Variants in CDKAL1 observed in about 807,000 individuals in gnomAD.
CDKAL1 encodes the protein threonylcarbamoyladenosine tRNA methylthiotransferase.
A neutral mutation model predicts 68.2 loss-of-function variants in CDKAL1; 32 were observed. That is an observed-to-expected ratio of 0.47 (90% CI 0.35 to 0.63). The LOEUF (loss-of-function observed/expected upper bound fraction) is 0.63. Among genes scored for constraint, CDKAL1 ranks in the 30% least tolerant of loss-of-function variants. CDKAL1 has a pLI of 0.00. For synonymous variants in CDKAL1, 234 were observed against 244.3 expected, an observed-to-expected ratio of 0.96 and a Z score of 0.39; for missense variants, 606 against 696.7, an observed-to-expected ratio of 0.87 and a Z score of 1.47.
chr6:21,200,664 C>T, intron 14 of CDKAL1: 1 of 154,368 alleles, frequency 6.5e-6, no homozygotes, highest in Non-Finnish European at 1.4e-5. Flanking sequence ...AAGTGGCTGG[C>T]TGATTGCTGG....
At chr6:20,812,578 T>G (rs1776866992) in intron 8 of CDKAL1, among the ~76,000 whole-genome samples, 1 of 152,218 alleles carries the variant, frequency 6.6e-6, no homozygotes. Flanking sequence ...ATCTGCCTTC[T>G]GTCAGTATAG....
intron 6 of CDKAL1, among the ~76,000 whole-genome samples, chr6:20,751,027 G>T (rs555939578): frequency 2.7e-5 from 4 of 148,132 alleles, no homozygotes; most frequent in Admixed American, 2.7e-4. Flanking sequence ...AGTGTTTGAG[G>T]ATTAAGTGTG....
intron 8 of CDKAL1, among the ~76,000 whole-genome samples, chr6:20,797,461 A>G (rs1017619509): frequency 6.6e-6 from 1 of 152,266 alleles, no homozygotes; most frequent in East Asian, 1.9e-4. Context: ...TTAAACATGT[A>G]CTTATCATAT....
chr6:21,060,530 TTTC>T (rs1320697229), intron 11 of CDKAL1, among the ~76,000 whole-genome samples: 2 of 152,130 alleles, frequency 1.3e-5, no homozygotes, highest in South Asian at 2.1e-4. Context: ...ATTTCATTGA[TTTC>T]TTATTTTACC....
intron 15 of CDKAL1, among the ~76,000 whole-genome samples, chr6:21,209,570 T>G (rs1361569180): frequency 1.3e-5 from 2 of 152,108 alleles, no homozygotes; most frequent in South Asian, 4.1e-4. Context: ...TAGGGAGGGA[T>G]TGGTGTGAGG....
chr6:20,992,124 C>A (rs777429547), intron 10 of CDKAL1, among the ~76,000 whole-genome samples: 5 of 143,706 alleles, frequency 3.5e-5, no homozygotes, highest in Non-Finnish European at 7.5e-5. Context: ...AACTCTTGGA[C>A]TCAAGCAATT....
chr6:20,540,077 C>CTTTTTTTTTTTTTTTTTT (rs71538791), intron 2 of CDKAL1, among the ~76,000 whole-genome samples: 2 of 131,266 alleles, frequency 1.5e-5, no homozygotes, highest in African/African-American at 3.1e-5. Context: ...TTGGGATTGT[C>CTTTTTTTTTTTTTTTTTT]TTTTTTTTTT....
At chr6:20,669,358 T>G (rs1418352475) in intron 5 of CDKAL1, among the ~76,000 whole-genome samples, 1 of 152,210 alleles carries the variant, frequency 6.6e-6, no homozygotes, top group Non-Finnish European at 1.5e-5. Context: ...TTCTCTCATT[T>G]ATTTATGTAT....
chr6:20,591,021 G>T (rs923363130), intron 4 of CDKAL1, among the ~76,000 whole-genome samples: 2 of 152,136 alleles, frequency 1.3e-5, no homozygotes, highest in African/African-American at 2.4e-5. Context: ...GGCATCTGTT[G>T]TTTCCTGACT....
At chr6:20,969,353 A>G (rs945364819) in intron 10 of CDKAL1, among the ~76,000 whole-genome samples, 2 of 152,188 alleles carry the variant, frequency 1.3e-5, no homozygotes, top group African/African-American at 2.4e-5. Context: ...GAGAAAATAT[A>G]TTTACTATTC....
At chr6:21,107,075 G>A (rs1773885202) in intron 12 of CDKAL1, among the ~76,000 whole-genome samples, 1 of 151,044 alleles carries the variant, frequency 6.6e-6, no homozygotes, top group Non-Finnish European at 1.5e-5. Flanking sequence ...AGCCTCCCAA[G>A]TAGCTGGGAC....
chr6:20,907,656 G>A (rs1049882447), intron 9 of CDKAL1, among the ~76,000 whole-genome samples: 1 of 152,150 alleles, frequency 6.6e-6, no homozygotes, highest in Admixed American at 6.5e-5. Flanking sequence ...GTTTATTACA[G>A]GAATGAGAGC....
At chr6:21,079,339 G>A in intron 12 of CDKAL1, among the ~76,000 whole-genome samples, 1 of 152,170 alleles carries the variant, frequency 6.6e-6, no homozygotes, top group East Asian at 1.9e-4. Context: ...TCTTATGTCT[G>A]TTTTGGAAAG....
At chr6:20,874,235 C>T (rs1387896667) in intron 9 of CDKAL1, among the ~76,000 whole-genome samples, 1 of 151,924 alleles carries the variant, frequency 6.6e-6, no homozygotes, top group Non-Finnish European at 1.5e-5. Flanking sequence ...GGCATTTTTA[C>T]ATTGGGGGCT....
At chr6:20,952,099 C>T (rs1764560231) in intron 9 of CDKAL1, among the ~76,000 whole-genome samples, 1 of 151,900 alleles carries the variant, frequency 6.6e-6, no homozygotes, top group African/African-American at 2.4e-5. Flanking sequence ...GCTGGGACTA[C>T]AGGCGCCCGC....
intron 11 of CDKAL1, among the ~76,000 whole-genome samples, chr6:21,055,112 CTA>C (rs796577217): frequency 8.5e-5 from 13 of 152,230 alleles, no homozygotes; most frequent in African/African-American, 3.1e-4. Context: ...GTTAAGATCA[CTA>C]TGTGGTTTTT....
intron 10 of CDKAL1, among the ~76,000 whole-genome samples, chr6:20,991,705 T>TCA (rs1766812935): frequency 2.2e-5 from 1 of 44,804 alleles, no homozygotes; most frequent in Non-Finnish European, 4.0e-5. Context: ...ATATTCCCTC[T>TCA]CAAAAAAAAA....
chr6:20,809,762 G>A (rs187708050), intron 8 of CDKAL1, among the ~76,000 whole-genome samples: 2 of 152,274 alleles, frequency 1.3e-5, no homozygotes, highest in East Asian at 3.9e-4. Context: ...ACTTCTTGAA[G>A]AGTGTATCAA....
intron 9 of CDKAL1, among the ~76,000 whole-genome samples, chr6:20,885,912 A>C (rs1393128349): frequency 6.6e-6 from 1 of 152,050 alleles, no homozygotes; most frequent in Non-Finnish European, 1.5e-5. Context: ...GTGAAACCCC[A>C]TCTCTATTAA....
Sources: gnomAD v4.1 joint callset for allele counts (sites outside exome capture counted in the v4.1 genomes callset) on GRCh38, gnomAD v4.1.1 for gene constraint, MANE v1.5 for transcripts, NCBI Gene and HGNC (gene_info 2026-07-23, HGNC 2026-07-21) for gene names.